Variants in EPN2 observed in about 807,000 individuals in gnomAD.
EPN2 encodes epsin 2.
In EPN2, 34 loss-of-function variants were observed where a neutral mutation model predicts 61.7. The ratio of observed to expected loss-of-function variants is 0.55; its 90% CI spans 0.42 to 0.73. EPN2 has a LOEUF of 0.73. Among genes scored for constraint, EPN2 ranks in the 30% least tolerant of loss-of-function variants. EPN2 has a pLI of 0.00. For synonymous variants in EPN2, 349 were observed against 353.6 expected, an observed-to-expected ratio of 0.99 and a Z score of 0.15; for missense variants, 714 against 839.2, an observed-to-expected ratio of 0.85 and a Z score of 1.84.
At chr17:19,274,830 C>T (rs766453444) in intron 1 of EPN2, among the ~76,000 whole-genome samples, 2 of 151,262 alleles carry the variant, frequency 1.3e-5, no homozygotes, top group Non-Finnish European at 1.5e-5. Flanking sequence ...TTATGGAATA[C>T]TTCTTGCCTC....
chr17:19,287,039 C>G (rs2045412027), intron 4 of EPN2, among the ~76,000 whole-genome samples: 1 of 152,150 alleles, frequency 6.6e-6, no homozygotes, highest in African/African-American at 2.4e-5. Flanking sequence ...TGTTTTGAGC[C>G]TTGGTGGCCA....
intron 1 of EPN2, among the ~76,000 whole-genome samples, chr17:19,277,695 A>G (rs950228590): frequency 1.3e-5 from 2 of 152,188 alleles, no homozygotes; most frequent in East Asian, 1.9e-4. Flanking sequence ...CCCACGCATC[A>G]TGGGCTGTCT....
At chr17:19,259,986 A>G (rs2045123557) in intron 1 of EPN2, among the ~76,000 whole-genome samples, 1 of 152,170 alleles carries the variant, frequency 6.6e-6, no homozygotes, top group Admixed American at 6.5e-5. Context: ...CTAAAAGCCC[A>G]GTCTGCTGTC....
At chr17:19,281,220 A>G (rs1160255330) in intron 1 of EPN2, among the ~76,000 whole-genome samples, 1 of 152,138 alleles carries the variant, frequency 6.6e-6, no homozygotes, top group East Asian at 1.9e-4. Context: ...TCTTCAGTCC[A>G]TCTCCCCTTA....
At chr17:19,309,859 TATG>T (rs746132884) in intron 4 of EPN2, 23 bp from the exon 5 acceptor site, 6 of 1,583,740 alleles carry the variant, frequency 3.8e-6, no homozygotes, top group Non-Finnish European at 5.2e-6. Context: ...GTCTTTTGCA[TATG>T]ATGACTTGGT....
At position 19,334,218 on chromosome 17, in the gene EPN2, C is replaced by T. The variant is rs1319161473; in HGVS notation, c.1890C>T (p.Ala630=). ...GTGTGGGTATACCCCCATCAGCAGC[C>T]CAGGCCACTGGCACAACCAACCCTT... The part of the protein sequence containing the change: ...VGSVGIPPSA[A]QATGTTNPFL... The change falls in exon 11 of 11, where the codon GCC becomes GCT. Residue 630 remains alanine, a synonymous_variant. Transcript: ENST00000314728. The surrounding 1 kb of genome is among the most constrained non-coding windows in gnomAD (Gnocchi z 4.9). The T allele has an allele frequency of 6.6e-7, 1 of 1,507,978 alleles. No homozygotes were observed. Among genetic ancestry groups the T allele is most frequent in the African/African-American group, 1.4e-5 (1 of 72,616 alleles). The allele number at this position is 1,507,978 out of a possible 1,614,324, so 93.4% of individuals were successfully genotyped here.
intron 4 of EPN2, among the ~76,000 whole-genome samples, chr17:19,294,967 T>C (rs1462183552): frequency 2.0e-5 from 3 of 152,068 alleles, no homozygotes; most frequent in Non-Finnish European, 4.4e-5. Flanking sequence ...TAAAAAAAAA[T>C]TATATGACTA....
At chr17:19,324,971 CTT>C (rs1906802233) in intron 7 of EPN2, among the ~76,000 whole-genome samples, 1 of 152,152 alleles carries the variant, frequency 6.6e-6, no homozygotes, top group South Asian at 2.1e-4. Context: ...GAGGCTGACT[CTT>C]TGATCAGCTC....
rs535872933 is a variant in EPN2, at chr17:19,283,973, G to A, written c.595+259G>A. 2.0e-5 allele frequency among the ~76,000 whole-genome samples: 3 copies of A among 152,304 alleles called. No homozygotes were observed. In the South Asian group the frequency reaches 6.2e-4, roughly 32 times the overall value. On this transcript the variant is annotated intron_variant, in intron 3 of 10. Coordinates refer to ENST00000314728, the MANE Select transcript of EPN2 (RefSeq NM_014964.5). The surrounding 1 kb of genome is among the most constrained non-coding windows in gnomAD (Gnocchi z 7.0). ...GCTCTGGGCCTCATTCTGTACATCT[G>A]GGCAGACGGTGGGCAGAGGCAGGTC...
chr17:19,276,773 G>GTTTTTTTTTTTTTTTTTTTTTT lies in EPN2; in HGVS notation c.-293-5164_-293-5163insTTTTTTTTTTTTTTTTTTTTTT, dbSNP rs80078595. On this transcript the variant is annotated intron_variant, in intron 1 of 10. Coordinates refer to ENST00000314728, the MANE Select transcript of EPN2 (RefSeq NM_014964.5). Reference sequence around the variant, plus strand: ...GTCAGTATGTAATTTATGAGAATAAGTTTTTTTTTTTTTTTTTTGCTGTAT... The same window carrying GTTTTTTTTTTTTTTTTTTTTTT: ...GTCAGTATGTAATTTATGAGAATAAGTTTTTTTTTTTTTTTTTTTTTTTTTTTTTTTTTTTTTTTTGCTGTAT... Among the ~76,000 whole-genome samples the GTTTTTTTTTTTTTTTTTTTTTT allele has an allele frequency of 3.9e-4, 47 of 119,318 alleles. 3 individuals are homozygous for GTTTTTTTTTTTTTTTTTTTTTT. Among genetic ancestry groups the GTTTTTTTTTTTTTTTTTTTTTT allele is most frequent in the African/African-American group, 1.7e-3 (42 of 24,104 alleles). The allele number at this position is 119,318 out of a possible 152,430, so 78.3% of individuals were successfully genotyped here.
intron 1 of EPN2, among the ~76,000 whole-genome samples, chr17:19,238,837 G>A (rs2044848046): frequency 6.6e-6 from 1 of 152,184 alleles, no homozygotes; most frequent in Non-Finnish European, 1.5e-5. Flanking sequence ...TGAAAGAAGG[G>A]ATTGGAACAG....
intron 7 of EPN2, among the ~76,000 whole-genome samples, chr17:19,317,688 T>C (rs1906452156): frequency 6.6e-6 from 1 of 152,208 alleles, no homozygotes; most frequent in Non-Finnish European, 1.5e-5. Context: ...TTTCCTCTCA[T>C]TCACTTGAGC....
At chr17:19,317,667 T>A (rs1906451199) in intron 7 of EPN2, among the ~76,000 whole-genome samples, 1 of 152,218 alleles carries the variant, frequency 6.6e-6, no homozygotes, top group African/African-American at 2.4e-5. Context: ...CAAACCTTGG[T>A]TCCATCTTCG....
chr17:19,281,868 G>C (rs1342308297), intron 1 of EPN2, 87 bp from the exon 2 acceptor site: 3 of 152,204 alleles, frequency 2.0e-5, no homozygotes, highest in Non-Finnish European at 4.4e-5. Context: ...CATTTTATAG[G>C]TAAGGAACCT....
Position 19,329,563 on chromosome 17 carries a change from T to C in EPN2, c.1327T>C (p.Ser443Pro). ...STTKPVSVSG[S>P]FELFSNLNGT... is the part of the protein sequence containing the mutation. ...CATTGGCTTCTGTGTCCACCCAGGG[T>C]CCTTTGAGCTCTTCAGTAATCTGAA... is the stretch of plus-strand genomic sequence containing the variant. Residue 443 changes from serine to proline, a missense_variant and splice_region_variant, in exon 9 of 11, where the codon TCC becomes CCC. Transcript: ENST00000314728. 1 of 1,607,350 alleles carries C rather than the reference T, an allele frequency of 6.2e-7. No homozygotes were observed. The highest frequency in any genetic ancestry group is 8.5e-7 in the Non-Finnish European group (1 of 1,174,632).
rs144024525 is a variant in EPN2, at chr17:19,256,311, C to T, written c.-294+18780C>T. The stretch of plus-strand genomic sequence containing the variant: ...TTTCCAAAATTCTCCAAAAGCTGGG[C>T]GTGATGGCTTGCACCCATTATCCCA... On this transcript the variant is annotated intron_variant, in intron 1 of 10. Coordinates refer to ENST00000314728, the MANE Select transcript of EPN2 (RefSeq NM_014964.5). Among the ~76,000 whole-genome samples the T allele has an allele frequency of 7.2e-3, 1,055 of 147,370 alleles. 8 individuals are homozygous for T. The highest frequency in any genetic ancestry group is 0.038 in the Middle Eastern group (11 of 290).
chr17:19,329,288 C>G (rs554243994), intron 8 of EPN2: 13 of 467,330 alleles, frequency 2.8e-5, no homozygotes, highest in Non-Finnish European at 4.2e-5. Context: ...ACTGCCAGCA[C>G]CCCTTTGCCT....
intron 4 of EPN2, among the ~76,000 whole-genome samples, chr17:19,305,135 T>G (rs1598010768): frequency 1.3e-5 from 2 of 151,784 alleles, no homozygotes; most frequent in Admixed American, 6.6e-5. Flanking sequence ...TTTTTTTTTT[T>G]TTTTTTGAGA....
At chr17:19,293,304 T>A (rs2045482805) in intron 4 of EPN2, among the ~76,000 whole-genome samples, 1 of 147,470 alleles carries the variant, frequency 6.8e-6, no homozygotes, top group Non-Finnish European at 1.5e-5. Context: ...CGCTTGAACC[T>A]GAGAGGCAGA....
Sources: allele counts gnomAD v4.1 joint callset (sites outside exome capture counted in the v4.1 genomes callset), GRCh38; gene constraint gnomAD v4.1.1; non-coding constraint Gnocchi (gnomAD v3.1); transcripts MANE v1.5; gene names NCBI Gene and HGNC (gene_info 2026-07-23, HGNC 2026-07-21).